Variants in FSIP1 observed in about 807,000 individuals in gnomAD.
FSIP1 encodes the protein fibrous sheath-interacting protein 1.
FSIP1 carries 65 observed loss-of-function variants against 60.9 expected under a neutral mutation model. That is an observed-to-expected ratio of 1.07 (90% CI 0.87 to 1.31). The LOEUF (loss-of-function observed/expected upper bound fraction) is 1.31. Ranked by LOEUF, FSIP1 falls within the 40% of genes most tolerant of loss-of-function variation. The pLI is 0.00. For missense variants in FSIP1, 675 were observed against 665.5 expected (o/e 1.01, Z -0.16); for synonymous variants, 209 against 221.2 (o/e 0.94, Z 0.49).
At chr15:39,689,710 A>G (rs1486541170) in intron 10 of FSIP1, among the ~76,000 whole-genome samples, 1 of 152,250 alleles carries the variant, frequency 6.6e-6, no homozygotes, top group Non-Finnish European at 1.5e-5. Flanking sequence ...ATTATATCAC[A>G]ATATCACACA....
chr15:39,707,555 C>T (rs932804863), intron 10 of FSIP1, among the ~76,000 whole-genome samples: 5 of 152,038 alleles, frequency 3.3e-5, no homozygotes, highest in African/African-American at 1.2e-4. Flanking sequence ...GCCCTCCATA[C>T]GATGTCCTTC....
chr15:39,759,746 T>G (rs1407032883), intron 5 of FSIP1, among the ~76,000 whole-genome samples: 1 of 152,160 alleles, frequency 6.6e-6, no homozygotes, highest in African/African-American at 2.4e-5. Flanking sequence ...CTCTTCCAGC[T>G]TCTGATGGTT....
At chr15:39,723,747 T>C (rs1200321878) in intron 9 of FSIP1, among the ~76,000 whole-genome samples, 3 of 152,242 alleles carry the variant, frequency 2.0e-5, no homozygotes, top group Non-Finnish European at 4.4e-5. Context: ...ATATGAACTA[T>C]GAATGTTTGT....
chr15:39,737,513 C>T (rs1896654211), intron 8 of FSIP1, among the ~76,000 whole-genome samples: 1 of 152,150 alleles, frequency 6.6e-6, no homozygotes, highest in Admixed American at 6.5e-5. Context: ...CAGTAATAAG[C>T]ACATCACATC....
chr15:39,768,229 T>C (rs1897758513), intron 3 of FSIP1, among the ~76,000 whole-genome samples: 1 of 152,210 alleles, frequency 6.6e-6, no homozygotes, highest in Non-Finnish European at 1.5e-5. Context: ...TTCCACTTTG[T>C]TTCCTGAAAA....
At chr15:39,611,937 A>C (rs190161717) in intron 11 of FSIP1, among the ~76,000 whole-genome samples, 2 of 152,348 alleles carry the variant, frequency 1.3e-5, no homozygotes, top group East Asian at 3.9e-4. Context: ...TCATTATATA[A>C]TGATAAAGGG....
chr15:39,741,721 G>A (rs569041266), intron 6 of FSIP1, 84 bp downstream of exon 6: 4 of 711,570 alleles, frequency 5.6e-6, no homozygotes, highest in East Asian at 2.7e-5. Flanking sequence ...TAAATTACAT[G>A]AACTTATTTC....
intron 9 of FSIP1, among the ~76,000 whole-genome samples, chr15:39,726,041 C>G (rs868498216): frequency 6.6e-6 from 1 of 152,160 alleles, no homozygotes; most frequent in East Asian, 1.9e-4. Flanking sequence ...ATCCACCCAC[C>G]TTGGCCTCCC....
intron 8 of FSIP1, 127 bp from the exon 9 acceptor site, chr15:39,726,874 A>ACACAC: frequency 1.8e-6 from 1 of 557,256 alleles, no homozygotes; most frequent in Admixed American, 3.7e-5. Flanking sequence ...CACACACACA[A>ACACAC]CACACACAAA....
intron 9 of FSIP1, among the ~76,000 whole-genome samples, chr15:39,720,146 G>A (rs559054266): frequency 1.3e-5 from 2 of 152,062 alleles, no homozygotes; most frequent in Non-Finnish European, 2.9e-5. Flanking sequence ...ACAAATCCCT[G>A]GACCCAATAA....
intron 8 of FSIP1, among the ~76,000 whole-genome samples, chr15:39,737,576 T>C (rs1896656517): frequency 6.6e-6 from 1 of 152,172 alleles, no homozygotes; most frequent in Non-Finnish European, 1.5e-5. Flanking sequence ...TAGAATGACA[T>C]TAAATAATCC....
chr15:39,611,228 G>A (rs779646566), intron 11 of FSIP1, among the ~76,000 whole-genome samples: 15 of 152,234 alleles, frequency 9.9e-5, no homozygotes, highest in African/African-American at 1.9e-4. Flanking sequence ...AAAAGTTGTC[G>A]GGGGGAGGGC....
intron 11 of FSIP1, among the ~76,000 whole-genome samples, chr15:39,606,929 A>T (rs2140364543): frequency 6.6e-6 from 1 of 152,298 alleles, no homozygotes; most frequent in Middle Eastern, 3.4e-3. Flanking sequence ...TAAATACTAG[A>T]CTAACTCACA....
At chr15:39,715,646 G>A (rs2140560431) in intron 9 of FSIP1, among the ~76,000 whole-genome samples, 1 of 152,276 alleles carries the variant, frequency 6.6e-6, no homozygotes, top group South Asian at 2.1e-4. Context: ...ATCTCTAGAA[G>A]CATCCTGATA....
chr15:39,679,087 T>C (rs1194856723), intron 10 of FSIP1, among the ~76,000 whole-genome samples: 2 of 152,226 alleles, frequency 1.3e-5, no homozygotes. Flanking sequence ...TTTAGTGTCT[T>C]TGAATCAGTT....
chr15:39,765,847 G>T (rs1897667250), intron 3 of FSIP1, 101 bp from the exon 4 acceptor site: 1 of 633,736 alleles, frequency 1.6e-6, no homozygotes, highest in Non-Finnish European at 2.7e-6. Context: ...AATATTTATA[G>T]CTGATAGTAA....
At chr15:39,722,824 G>C (rs1416781942) in intron 9 of FSIP1, among the ~76,000 whole-genome samples, 1 of 152,110 alleles carries the variant, frequency 6.6e-6, no homozygotes, top group Non-Finnish European at 1.5e-5. Flanking sequence ...CAGCTTCTGG[G>C]GACGGTGAGG....
intron 10 of FSIP1, among the ~76,000 whole-genome samples, chr15:39,652,510 G>A (rs755438902): frequency 2.6e-5 from 4 of 152,182 alleles, no homozygotes; most frequent in East Asian, 1.9e-4. Context: ...TGCACATTTC[G>A]GGTGATTAAT....
chr15:39,646,121 C>A (rs1892594924), intron 10 of FSIP1, among the ~76,000 whole-genome samples: 1 of 152,146 alleles, frequency 6.6e-6, no homozygotes, highest in South Asian at 2.1e-4. Context: ...TGGGAGCAGA[C>A]CACAAGGTGC....
Sources: gnomAD v4.1 joint callset for allele counts (sites outside exome capture counted in the v4.1 genomes callset) on GRCh38, gnomAD v4.1.1 for gene constraint, MANE v1.5 for transcripts, NCBI Gene and HGNC (gene_info 2026-07-23, HGNC 2026-07-21) for gene names.